The following GPC5 variants were observed in gnomAD, a reference collection of about 807,000 sequenced individuals.
The protein encoded by GPC5 is glypican 5.
A neutral mutation model predicts 53.9 loss-of-function variants in GPC5; 47 were observed. The observed-to-expected ratio is 0.87, with a 90% CI of 0.69 to 1.11. The LOEUF (loss-of-function observed/expected upper bound fraction) is 1.11. Ranked by LOEUF, GPC5 falls within the 50% of genes most tolerant of loss-of-function variation. The pLI, the probability that GPC5 is intolerant of heterozygous loss-of-function variation, is 0.00. For missense variants in GPC5, 748 were observed against 713.1 expected, an observed-to-expected ratio of 1.05 and a Z score of -0.56; for synonymous variants, 286 against 263.3, an observed-to-expected ratio of 1.09 and a Z score of -0.84.
intron 7 of GPC5, among the ~76,000 whole-genome samples, chr13:92,347,883 T>C (rs5805740): frequency 8.6e-4 from 1 of 1,162 alleles, no homozygotes; most frequent in East Asian, 8.5e-3. Flanking sequence ...TAATATATAT[T>C]ATATATATTA....
intron 6 of GPC5, among the ~76,000 whole-genome samples, chr13:92,080,521 T>A (rs1435273963): frequency 2.0e-5 from 3 of 152,218 alleles, no homozygotes; most frequent in African/African-American, 7.2e-5. Flanking sequence ...TTATTATGAT[T>A]TTCTACATCC....
At chr13:92,768,270 A>G (rs1167452242) in intron 7 of GPC5, among the ~76,000 whole-genome samples, 1 of 152,182 alleles carries the variant, frequency 6.6e-6, no homozygotes, top group Admixed American at 6.5e-5. Flanking sequence ...TATCTTGTAG[A>G]TTTTAAAACC....
chr13:92,842,580 C>A (rs1200254299), intron 7 of GPC5, among the ~76,000 whole-genome samples: 1 of 151,514 alleles, frequency 6.6e-6, no homozygotes, highest in Non-Finnish European at 1.5e-5. Context: ...TCATAGCACA[C>A]CCCAGAAAGA....
At chr13:92,176,493 G>T (rs1335422439) in intron 7 of GPC5, among the ~76,000 whole-genome samples, 2 of 152,034 alleles carry the variant, frequency 1.3e-5, no homozygotes, top group African/African-American at 2.4e-5. Context: ...AACAGACCAG[G>T]GGCACCTGTC....
chr13:92,695,515 T>G (rs1310528205), intron 7 of GPC5, among the ~76,000 whole-genome samples: 1 of 152,158 alleles, frequency 6.6e-6, no homozygotes, highest in Non-Finnish European at 1.5e-5. Flanking sequence ...ATATCTGTTT[T>G]TTTTTCATCT....
intron 7 of GPC5, among the ~76,000 whole-genome samples, chr13:92,204,340 A>G (rs1002853363): frequency 1.3e-5 from 2 of 152,358 alleles, no homozygotes; most frequent in Admixed American, 1.3e-4. Context: ...GCTAGAAAAA[A>G]TAAATGGTTT....
At chr13:92,483,376 G>A (rs1300673337) in intron 7 of GPC5, among the ~76,000 whole-genome samples, 1 of 152,142 alleles carries the variant, frequency 6.6e-6, no homozygotes, top group Non-Finnish European at 1.5e-5. Context: ...AATAGTGTAG[G>A]CAATTGTAAC....
intron 2 of GPC5, among the ~76,000 whole-genome samples, chr13:91,520,895 A>G (rs550029192): frequency 6.6e-6 from 1 of 152,156 alleles, no homozygotes; most frequent in Non-Finnish European, 1.5e-5. Flanking sequence ...GGGTTTTGGT[A>G]ACTTTCAAAG....
chr13:92,193,376 C>T (rs1280279353), intron 7 of GPC5, among the ~76,000 whole-genome samples: 1 of 152,026 alleles, frequency 6.6e-6, no homozygotes, highest in Non-Finnish European at 1.5e-5. Flanking sequence ...TGAAACAATA[C>T]AAATTCTGAA....
At chr13:91,773,478 C>A (rs1352010888) in intron 5 of GPC5, among the ~76,000 whole-genome samples, 1 of 151,964 alleles carries the variant, frequency 6.6e-6, no homozygotes, top group Non-Finnish European at 1.5e-5. Context: ...AAGGAAAATT[C>A]ATGGTTTATT....
chr13:92,286,004 G>T (rs141498951), intron 7 of GPC5, among the ~76,000 whole-genome samples: 2 of 152,074 alleles, frequency 1.3e-5, no homozygotes, highest in Admixed American at 6.5e-5. Context: ...CTGACAAAGG[G>T]CTAATATCCA....
At chr13:92,368,634 TAA>T (rs34793615) in intron 7 of GPC5, among the ~76,000 whole-genome samples, 188 of 66,342 alleles carry the variant, frequency 2.8e-3, no homozygotes, top group African/African-American at 9.2e-3. Flanking sequence ...AAGACTGTCT[TAA>T]AAAAAAAAAA....
intron 7 of GPC5, among the ~76,000 whole-genome samples, chr13:92,172,138 C>G (rs926310432): frequency 6.6e-6 from 1 of 152,118 alleles, no homozygotes; most frequent in African/African-American, 2.4e-5. Flanking sequence ...AAAGAATGAA[C>G]AGATGGGTAG....
intron 7 of GPC5, among the ~76,000 whole-genome samples, chr13:92,795,732 A>G (rs1393244356): frequency 6.6e-6 from 1 of 152,222 alleles, no homozygotes; most frequent in African/African-American, 2.4e-5. Context: ...AAAAGAAGAC[A>G]TTTATGCAGT....
At chr13:92,433,631 A>G (rs376614528) in intron 7 of GPC5, among the ~76,000 whole-genome samples, 1 of 152,174 alleles carries the variant, frequency 6.6e-6, no homozygotes, top group South Asian at 2.1e-4. Context: ...TATGAATGTT[A>G]TGCCTGCAAT....
intron 6 of GPC5, among the ~76,000 whole-genome samples, chr13:91,981,578 C>A (rs990048017): frequency 1.3e-5 from 2 of 152,128 alleles, no homozygotes; most frequent in African/African-American, 4.8e-5. Flanking sequence ...CGTGAGCCAC[C>A]GCGCCCGACC....
At chr13:92,417,104 T>C (rs74812292) in intron 7 of GPC5, among the ~76,000 whole-genome samples, 1,730 of 152,296 alleles carry the variant, frequency 0.011, 35 homozygotes, top group African/African-American at 0.039. Context: ...ACTGAATGCA[T>C]ATCACTTTTG....
At chr13:92,280,211 A>G (rs1193348715) in intron 7 of GPC5, among the ~76,000 whole-genome samples, 1 of 152,062 alleles carries the variant, frequency 6.6e-6, no homozygotes, top group Non-Finnish European at 1.5e-5. Context: ...AATTGCTATA[A>G]TATTCGTAGT....
intron 7 of GPC5, among the ~76,000 whole-genome samples, chr13:92,856,597 C>A (rs1377937819): frequency 6.6e-6 from 1 of 151,944 alleles, no homozygotes; most frequent in Non-Finnish European, 1.5e-5. Context: ...TAAAGAATGC[C>A]AAAAGTCTCC....
Sources: gnomAD v4.1 joint callset for allele counts (sites outside exome capture counted in the v4.1 genomes callset) on GRCh38, gnomAD v4.1.1 for gene constraint, MANE v1.5 for transcripts, NCBI Gene and HGNC (gene_info 2026-07-23, HGNC 2026-07-21) for gene names.